TCF12: variants seen among roughly 807,000 people sequenced by gnomAD.
TCF12 encodes the protein transcription factor 12, also known as DNA-binding protein HTF4.
TCF12 carries 45 observed loss-of-function variants against 86.0 expected under a neutral mutation model. That is an observed-to-expected ratio of 0.52 (90% CI 0.41 to 0.67). The LOEUF (loss-of-function observed/expected upper bound fraction) is 0.67. Among genes scored for constraint, TCF12 ranks in the 30% least tolerant of loss-of-function variants. TCF12 has a pLI of 0.00. For missense variants in TCF12, 881 were observed against 859.9 expected (o/e 1.02, Z -0.31); for synonymous variants, 330 against 299.6 (o/e 1.10, Z -1.05).
intron 5 of TCF12, among the ~76,000 whole-genome samples, chr15:57,133,599 G>A (rs540034769): frequency 6.7e-6 from 1 of 149,310 alleles, no homozygotes; most frequent in East Asian, 2.0e-4. Flanking sequence ...CATGTGGAAT[G>A]TTCCCATCTG....
chr15:56,982,656 C>A (rs2140894636), intron 3 of TCF12, among the ~76,000 whole-genome samples: 1 of 152,272 alleles, frequency 6.6e-6, no homozygotes, highest in East Asian at 1.9e-4. Flanking sequence ...ATTCTGTAAA[C>A]CATACTTTAA....
chr15:56,925,302 T>C (rs1053975395), intron 3 of TCF12, among the ~76,000 whole-genome samples: 1 of 119,096 alleles, frequency 8.4e-6, no homozygotes, highest in Non-Finnish European at 1.6e-5. Flanking sequence ...AAAAACAATT[T>C]GATTAGATCA....
intron 5 of TCF12, among the ~76,000 whole-genome samples, chr15:57,165,526 C>G (rs548718885): frequency 6.6e-6 from 1 of 151,132 alleles, no homozygotes; most frequent in Non-Finnish European, 1.5e-5. Context: ...TGAGCTATGT[C>G]TATACTGTAT....
At chr15:56,997,778 C>CG (rs1307132641) in intron 3 of TCF12, among the ~76,000 whole-genome samples, 3 of 152,038 alleles carry the variant, frequency 2.0e-5, no homozygotes, top group African/African-American at 7.2e-5. Context: ...AAAAGTTTGT[C>CG]AAGAGTCCAT....
At chr15:57,185,594 G>T (rs1189294039) in intron 6 of TCF12, among the ~76,000 whole-genome samples, 1 of 152,078 alleles carries the variant, frequency 6.6e-6, no homozygotes, top group South Asian at 2.1e-4. Flanking sequence ...ATCAAAATTG[G>T]TTCTTTAAAA....
intron 3 of TCF12, among the ~76,000 whole-genome samples, chr15:56,994,205 A>G (rs1283340043): frequency 6.6e-6 from 1 of 152,210 alleles, no homozygotes; most frequent in Non-Finnish European, 1.5e-5. Context: ...TAGAGAAGAA[A>G]GAATTTTAAA....
At chr15:56,969,422 G>T in intron 3 of TCF12, among the ~76,000 whole-genome samples, 1 of 151,792 alleles carries the variant, frequency 6.6e-6, no homozygotes, top group Non-Finnish European at 1.5e-5. Flanking sequence ...GAATAGAGCT[G>T]TTATTAATTG....
At chr15:57,270,763 T>C (rs532146222) in intron 18 of TCF12, among the ~76,000 whole-genome samples, 1 of 152,248 alleles carries the variant, frequency 6.6e-6, no homozygotes, top group Non-Finnish European at 1.5e-5. Flanking sequence ...GATGTCCTTT[T>C]TGTTGATGTT....
intron 3 of TCF12, among the ~76,000 whole-genome samples, chr15:56,940,494 C>T (rs2060689231): frequency 2.0e-5 from 2 of 101,722 alleles, no homozygotes; most frequent in African/African-American, 3.8e-5. Context: ...CCTCCTCCTC[C>T]TCCTCCTTCT....
At chr15:56,951,893 C>T (rs1305449161) in intron 3 of TCF12, among the ~76,000 whole-genome samples, 1 of 152,156 alleles carries the variant, frequency 6.6e-6, no homozygotes, top group Non-Finnish European at 1.5e-5. Context: ...GAGGATTCTC[C>T]CACCATGGGC....
intron 11 of TCF12, among the ~76,000 whole-genome samples, chr15:57,233,310 G>C (rs1194699084): frequency 6.6e-6 from 1 of 151,740 alleles, no homozygotes; most frequent in African/African-American, 2.4e-5. Flanking sequence ...CCAGTAGCTG[G>C]GACTACAGGC....
chr15:57,173,055 C>G (rs1007186027), intron 6 of TCF12, among the ~76,000 whole-genome samples: 1 of 152,096 alleles, frequency 6.6e-6, no homozygotes, highest in Non-Finnish European at 1.5e-5. Flanking sequence ...CACTGCTGCA[C>G]TCCAGCCTGG....
At chr15:57,066,152 C>T (rs1185208329) in intron 4 of TCF12, among the ~76,000 whole-genome samples, 1 of 152,134 alleles carries the variant, frequency 6.6e-6, no homozygotes, top group Non-Finnish European at 1.5e-5. Context: ...TTTGAAGCCT[C>T]CCTCAGTACT....
At chr15:57,263,933 A>G (rs371885672) in intron 18 of TCF12, among the ~76,000 whole-genome samples, 37 of 152,288 alleles carry the variant, frequency 2.4e-4, no homozygotes, top group South Asian at 1.2e-3. Flanking sequence ...GGGTGATTCA[A>G]TGAGCAGGTG....
At chr15:57,232,961 T>G (rs2059209935) in intron 11 of TCF12, 105 bp downstream of exon 11, 2 of 668,542 alleles carry the variant, frequency 3.0e-6, no homozygotes, top group Admixed American at 5.0e-5. Context: ...AAATGTTATA[T>G]ATATGTATAT....
At chr15:57,124,795 A>G (rs867932619) in intron 5 of TCF12, among the ~76,000 whole-genome samples, 104 of 151,622 alleles carry the variant, frequency 6.9e-4, no homozygotes, top group African/African-American at 2.4e-3. Flanking sequence ...CTCCTCCCTC[A>G]GCCTCCAGAG....
chr15:57,194,999 C>T (rs1428975234), intron 7 of TCF12, among the ~76,000 whole-genome samples: 1 of 152,056 alleles, frequency 6.6e-6, no homozygotes, highest in Admixed American at 6.6e-5. Flanking sequence ...GCCTCCCGGG[C>T]TCAAGCGAGT....
At chr15:57,105,374 C>T (rs964008200) in intron 5 of TCF12, among the ~76,000 whole-genome samples, 2 of 152,096 alleles carry the variant, frequency 1.3e-5, no homozygotes, top group Non-Finnish European at 2.9e-5. Flanking sequence ...GTGTGTGCCT[C>T]ATTGTACCTG....
chr15:57,289,213 T>G lies in TCF12; in HGVS notation c.*3068T>G. The stretch of plus-strand genomic sequence containing the variant: ...TTCACATTGGGTGCCTAACAGAACA[T>G]TTTGCTTCTTGTGGGATTTAGTGAA... On this transcript the variant is annotated 3_prime_UTR_variant, in exon 21 of 21. Transcript: ENST00000333725. 1 of 152,206 alleles carries G rather than the reference T, an allele frequency of 6.6e-6. No individual in the cohort carries two copies. The highest frequency in any genetic ancestry group is 1.9e-4 in the East Asian group (1 of 5,200). 9.4% of individuals were successfully genotyped at this position (152,206 alleles called of 1,614,324 possible). A position where few individuals can be genotyped will look rare whatever the true frequency, so the allele number is the denominator to read the frequency against.
Sources: allele counts gnomAD v4.1 joint callset (sites outside exome capture counted in the v4.1 genomes callset), GRCh38; gene constraint gnomAD v4.1.1; transcripts MANE v1.5; gene names NCBI Gene and HGNC (gene_info 2026-07-23, HGNC 2026-07-21).